The following CFAP47 variants were observed in gnomAD, a reference collection of about 807,000 sequenced individuals.
CFAP47 encodes cilia and flagella associated protein 47, also known as cilia- and flagella-associated protein 47.
Under a neutral mutation model 148.1 loss-of-function variants are expected in CFAP47, and 29 were observed. That is an observed-to-expected ratio of 0.20 (90% CI 0.15 to 0.27). The LOEUF (loss-of-function observed/expected upper bound fraction) is 0.27, where lower values mean the gene tolerates loss of function less well. Among genes scored for constraint, CFAP47 ranks in the 10% least tolerant of loss-of-function variants. The pLI, the probability that CFAP47 is intolerant of heterozygous loss-of-function variation, is 1.00. For missense variants in CFAP47, 1,872 were observed against 1,697.5 expected (o/e 1.10, Z -1.81); for synonymous variants, 664 against 577.3 (o/e 1.15, Z -2.15).
At chrX:36,109,810 G>C (rs112077921) in intron 33 of CFAP47, among the ~76,000 whole-genome samples, 4 of 111,722 alleles carry the variant, frequency 3.6e-5, no homozygotes, top group East Asian at 5.6e-4. Flanking sequence ...ATTCTGACTC[G>C]TGTGAGATGG....
rs1935548385 is a variant in CFAP47 at position 35,919,875 on chromosome X, C to T, written c.76C>T (p.Leu26Phe). ...SLAMSIQRGSLVPRDMDSSGR... is the reference protein window; with the variant it reads ...SLAMSIQRGSFVPRDMDSSGR... ...CGCCATGAGCATCCAAAGGGGTTCCCTCGTCCCCCGGGATATGGATAGCTC... is the reference window on the plus strand; with the variant it reads ...CGCCATGAGCATCCAAAGGGGTTCCTTCGTCCCCCGGGATATGGATAGCTC... Residue 26 changes from leucine (L) to phenylalanine (F), a missense_variant, in exon 1 of 64, where the codon CTC becomes TTC. Physicochemically the swap from Leu to Phe is conservative, Grantham distance 22. Transcript: ENST00000378653. 8.3e-7 allele frequency: 1 copy of T among 1,210,700 alleles called. No homozygotes were observed. Among genetic ancestry groups the T allele is most frequent in the Non-Finnish European group, 1.1e-6 (1 of 895,050 alleles).
At chrX:36,181,883 G>T (rs1406663712) in intron 40 of CFAP47, among the ~76,000 whole-genome samples, 1 of 112,465 alleles carries the variant, frequency 8.9e-6, no homozygotes, top group Non-Finnish European at 1.9e-5. Flanking sequence ...GCAAGCTCTT[G>T]GTTTATCATT....
intron 30 of CFAP47, among the ~76,000 whole-genome samples, chrX:36,089,810 T>C (rs992535919): frequency 8.9e-6 from 1 of 111,999 alleles, no homozygotes; most frequent in African/African-American, 3.2e-5. Context: ...AACCTGCATA[T>C]GTACTATTGA....
chrX:36,138,914 A>G (rs762841966), intron 35 of CFAP47, among the ~76,000 whole-genome samples: 1 of 111,488 alleles, frequency 9.0e-6, no homozygotes, highest in African/African-American at 3.2e-5. Flanking sequence ...GTTGACCTTC[A>G]AGTTGTAATT....
At chrX:35,986,810 G>A (rs778494129) in intron 15 of CFAP47, among the ~76,000 whole-genome samples, 1 of 111,368 alleles carries the variant, frequency 9.0e-6, no homozygotes, top group East Asian at 2.9e-4. Context: ...CGTCCTTTTT[G>A]TTGATGTTGG....
At chrX:36,160,995 G>A (rs1939423540) in intron 39 of CFAP47, among the ~76,000 whole-genome samples, 1 of 109,177 alleles carries the variant, frequency 9.2e-6, no homozygotes. Context: ...CTACAGGGGT[G>A]CCCCACCACA....
At chrX:36,111,838 A>G (rs1360633578) in intron 33 of CFAP47, among the ~76,000 whole-genome samples, 1 of 111,308 alleles carries the variant, frequency 9.0e-6, no homozygotes, top group Non-Finnish European at 1.9e-5. Flanking sequence ...CAGTCTTTGG[A>G]GGGTGTCTGT....
intron 15 of CFAP47, among the ~76,000 whole-genome samples, chrX:35,977,142 G>C (rs1369434922): frequency 1.8e-5 from 2 of 111,873 alleles, no homozygotes; most frequent in Non-Finnish European, 3.8e-5. Context: ...AGATGAAAAG[G>C]CTGGATCTTT....
At chrX:35,948,071 A>G (rs1379436793) in intron 3 of CFAP47, among the ~76,000 whole-genome samples, 3 of 111,886 alleles carry the variant, frequency 2.7e-5, no homozygotes, top group Non-Finnish European at 3.8e-5. Context: ...CCACACATCA[A>G]ATACACTAAC....
chrX:35,925,374 CA>C (rs756225778), intron 1 of CFAP47, among the ~76,000 whole-genome samples: 2,522 of 103,874 alleles, frequency 0.024, 90 homozygotes, highest in African/African-American at 0.083. Context: ...GACTCCATCT[CA>C]AAAAAAAAAT....
Position 36,366,966 on chromosome X carries a change from G to T in CFAP47, c.9024G>T (p.Arg3008Ser). The change falls in exon 62 of 64, where the codon AGG (arginine) becomes AGT (serine). Residue 3008 changes from arginine to serine, a missense_variant and splice_region_variant. Arg to Ser is a moderately radical substitution (Grantham distance 110). Coordinates refer to ENST00000378653, the MANE Select transcript of CFAP47 (RefSeq NM_001304548.2). ...TTTAAAATCTCCTTTTATATTCAAG[G>T]TCTCACATAACACTGAAAATAGAGT... ...NLVFTPKKPLRSHITLKIECV... is the reference protein window; with the variant it reads ...NLVFTPKKPLSSHITLKIECV... The T allele has an allele frequency of 1.8e-6, 2 of 1,112,928 alleles. No individual in the cohort carries two copies. Among genetic ancestry groups the T allele is most frequent in the South Asian group, 2.3e-5 (1 of 43,487 alleles). The allele number at this position is 1,112,928 out of a possible 1,213,427, so 91.7% of individuals were successfully genotyped here. A position where few individuals can be genotyped will look rare whatever the true frequency, so the allele number is the denominator to read the frequency against.
rs1555998232 is a variant in CFAP47 at position 36,251,438 on chromosome X, T to C, written c.7438T>C (p.Leu2480=). The C allele has an allele frequency of 4.0e-6, 2 of 498,735 alleles. No individual in the cohort carries two copies. Among genetic ancestry groups the C allele is most frequent in the Admixed American group, 2.8e-5 (1 of 35,820 alleles). 41.1% of individuals were successfully genotyped at this position (498,735 alleles called of 1,213,427 possible). A position where few individuals can be genotyped will look rare whatever the true frequency, so the allele number is the denominator to read the frequency against. ...TGTGCGCCCTTGGAAACGTGGTATA[T>C]TGAAAGGTATAAAATCCATTAATAA... ...IHVRPWKRGI[L]KGTITFSTTR... Residue 2480 remains leucine, a synonymous_variant, in exon 49 of 64, where the codon TTG becomes CTG. Transcript: ENST00000378653.
chrX:36,048,571 G>A, intron 26 of CFAP47, among the ~76,000 whole-genome samples: 1 of 111,519 alleles, frequency 9.0e-6, no homozygotes. Flanking sequence ...CTGGAAATCT[G>A]TGAATAATAG....
In CFAP47 at chrX:35,953,804, C is replaced by A. The variant is rs1001896857; in HGVS notation, c.1174+85C>A. 6.2e-6 allele frequency: 4 copies of A among 640,714 alleles called. No homozygotes were observed. The Middle Eastern group carries it at 1.7e-3, about 274-fold the overall frequency. 52.8% of individuals were successfully genotyped at this position (640,714 alleles called of 1,213,427 possible). ...GAACATGAATATCTGTAGAGACAAT[C>A]TAATAAAATATATAATTATTGAATA... On this transcript the variant is annotated intron_variant, in intron 7 of 63. Transcript: ENST00000378653.
chrX:36,287,943 A>G (rs1403243651), intron 51 of CFAP47, among the ~76,000 whole-genome samples: 1 of 111,965 alleles, frequency 8.9e-6, no homozygotes, highest in East Asian at 2.8e-4. Flanking sequence ...TCACTTGTAT[A>G]TTATTTCCTA....
intron 13 of CFAP47, among the ~76,000 whole-genome samples, chrX:35,972,323 G>A (rs1053606340): frequency 9.1e-6 from 1 of 110,207 alleles, no homozygotes. Context: ...TCCACCTCCC[G>A]GGTTCAAGCG....
Position 36,278,376 on chromosome X carries a change from T to C in CFAP47, c.7445-2111T>C, listed in dbSNP as rs782390918. On this transcript the variant is annotated intron_variant, in intron 49 of 63. Transcript: ENST00000378653. ...TGCACTAGCAGTGAGCAAGGCTCCG[T>C]GGGCGTGGGACCCGCCAAGCCAGTC... is the stretch of plus-strand genomic sequence containing the variant. Among the ~76,000 whole-genome samples, 6 of 112,877 alleles carry C rather than the reference T, an allele frequency of 5.3e-5. No individual in the cohort carries two copies. In the South Asian group the frequency reaches 2.2e-3, roughly 41 times the overall value.
rs1275840151 is a variant in CFAP47 at position 36,242,814 on chromosome X, A to G, written c.7332+5955A>G. Among the ~76,000 whole-genome samples, 6 of 111,745 alleles carry G rather than the reference A, an allele frequency of 5.4e-5. No homozygotes were observed. The Admixed American group carries it at 5.7e-4, about 11-fold the overall frequency. On this transcript the variant is annotated intron_variant, in intron 48 of 63. Transcript: ENST00000378653. ...TGCTAGAGAGGTTGACAAGCAAATT[A>G]AAGAAATACAGAGAACCCTGGCTAG...
At chrX:36,342,759 G>T (rs1286986859) in intron 57 of CFAP47, among the ~76,000 whole-genome samples, 1 of 111,464 alleles carries the variant, frequency 9.0e-6, no homozygotes, top group Non-Finnish European at 1.9e-5. Flanking sequence ...AAGAAAACAT[G>T]GGTAGATTTT....
Sources: allele counts gnomAD v4.1 joint callset (sites outside exome capture counted in the v4.1 genomes callset), GRCh38; gene constraint gnomAD v4.1.1; transcripts MANE v1.5; gene names NCBI Gene and HGNC (gene_info 2026-07-23, HGNC 2026-07-21).